Variants in PCDH15 observed in about 807,000 individuals in gnomAD.
PCDH15 encodes the protein protocadherin-15.
Under a neutral mutation model 178.5 loss-of-function variants are expected in PCDH15, and 129 were observed. That is an observed-to-expected ratio of 0.72 (90% CI 0.63 to 0.84). The LOEUF is 0.84. Ranked by LOEUF, PCDH15 falls within the 40% of genes least tolerant of loss-of-function variation. The pLI is 0.00. For synonymous variants in PCDH15, 800 were observed against 732.0 expected, an observed-to-expected ratio of 1.09 and a Z score of -1.50; for missense variants, 2,230 against 2,099.9, an observed-to-expected ratio of 1.06 and a Z score of -1.21.
chr10:54,562,609 A>C (rs1365090360), intron 2 of PCDH15, among the ~76,000 whole-genome samples: 1 of 152,154 alleles, frequency 6.6e-6, no homozygotes, highest in Non-Finnish European at 1.5e-5. Context: ...CAACATACTT[A>C]TATATAATAC....
At chr10:54,538,105 G>A (rs956633452) in intron 2 of PCDH15, among the ~76,000 whole-genome samples, 3 of 152,154 alleles carry the variant, frequency 2.0e-5, no homozygotes, top group Admixed American at 6.5e-5. Context: ...TCGGGCAGAA[G>A]CTCTTTAGTT....
intron 15 of PCDH15, among the ~76,000 whole-genome samples, chr10:54,127,043 T>C (rs1361586344): frequency 6.6e-6 from 1 of 152,164 alleles, no homozygotes; most frequent in Non-Finnish European, 1.5e-5. Flanking sequence ...ATTATTGTTT[T>C]CACTACCACT....
chr10:55,449,182 T>A (rs1839380995), intron 2 of PCDH15, among the ~76,000 whole-genome samples: 1 of 152,068 alleles, frequency 6.6e-6, no homozygotes, highest in South Asian at 2.1e-4. Flanking sequence ...AATCACCTCA[T>A]TCTCATTGTA....
At chr10:55,125,364 C>T (rs34904735) in intron 2 of PCDH15, among the ~76,000 whole-genome samples, 4,582 of 152,082 alleles carry the variant, frequency 0.03, 99 homozygotes, top group Non-Finnish European at 0.046. Flanking sequence ...GGGACACACT[C>T]CATCCCAGGG....
chr10:54,970,448 A>G (rs904556112), intron 2 of PCDH15, among the ~76,000 whole-genome samples: 1 of 152,186 alleles, frequency 6.6e-6, no homozygotes, highest in Admixed American at 6.6e-5. Context: ...AAAGCCAGAG[A>G]TTAAGTGGCT....
At chr10:54,826,040 A>G (rs143476253) in intron 3 of PCDH15, among the ~76,000 whole-genome samples, 14 of 152,194 alleles carry the variant, frequency 9.2e-5, no homozygotes, top group Admixed American at 2.0e-4. Flanking sequence ...TTTTAATTCC[A>G]TTGTAGAATG....
intron 26 of PCDH15, among the ~76,000 whole-genome samples, chr10:53,873,241 C>A (rs957613621): frequency 2.0e-5 from 3 of 152,150 alleles, no homozygotes; most frequent in Non-Finnish European, 4.4e-5. Context: ...CCCTGCCATG[C>A]CATTTAATTT....
At chr10:54,391,685 C>G (rs145566009) in intron 3 of PCDH15, among the ~76,000 whole-genome samples, 231 of 152,100 alleles carry the variant, frequency 1.5e-3, no homozygotes, top group African/African-American at 5.4e-3. Flanking sequence ...CTATGCAACA[C>G]ATACCTGGCT....
At chr10:55,065,063 C>T (rs1307607416) in intron 2 of PCDH15, among the ~76,000 whole-genome samples, 1 of 152,004 alleles carries the variant, frequency 6.6e-6, no homozygotes, top group Non-Finnish European at 1.5e-5. Context: ...GGGCTGTCCA[C>T]AGGAAGCTCA....
At chr10:54,286,702 TGCAACCTCC>T (rs888276661) in intron 8 of PCDH15, among the ~76,000 whole-genome samples, 40 of 152,248 alleles carry the variant, frequency 2.6e-4, no homozygotes, top group Non-Finnish European at 2.8e-4. Flanking sequence ...CTCAGCTCAC[TGCAACCTCC>T]GCCTCCTGAG....
At chr10:55,338,177 A>G (rs1388708337) in intron 2 of PCDH15, among the ~76,000 whole-genome samples, 1 of 152,190 alleles carries the variant, frequency 6.6e-6, no homozygotes, top group Non-Finnish European at 1.5e-5. Context: ...GGATGTGGTG[A>G]AAGGGGAACT....
intron 21 of PCDH15, among the ~76,000 whole-genome samples, chr10:53,968,204 A>C (rs1424011967): frequency 6.6e-6 from 1 of 152,172 alleles, no homozygotes; most frequent in African/African-American, 2.4e-5. Flanking sequence ...AGGAGATTAT[A>C]TCCCACGCCT....
intron 2 of PCDH15, among the ~76,000 whole-genome samples, chr10:54,576,066 C>T (rs2090446099): frequency 6.6e-6 from 1 of 152,020 alleles, no homozygotes; most frequent in African/African-American, 2.4e-5. Context: ...AACAAACAAA[C>T]AAGCTCTATT....
At chr10:54,203,078 T>C (rs1465992799) in intron 10 of PCDH15, among the ~76,000 whole-genome samples, 2 of 152,142 alleles carry the variant, frequency 1.3e-5, no homozygotes. Flanking sequence ...TGGATAGTCC[T>C]TATAATCTGG....
At chr10:55,367,014 A>G (rs1845378135) in intron 2 of PCDH15, among the ~76,000 whole-genome samples, 2 of 151,698 alleles carry the variant, frequency 1.3e-5, no homozygotes, top group African/African-American at 4.8e-5. Context: ...TTAACATTTT[A>G]TATGTCCTTT....
At chr10:55,066,326 C>A (rs1841563624) in intron 2 of PCDH15, among the ~76,000 whole-genome samples, 1 of 150,606 alleles carries the variant, frequency 6.6e-6, no homozygotes, top group Non-Finnish European at 1.5e-5. Context: ...AAGTTTTTTA[C>A]TGTTCTCTTG....
intron 3 of PCDH15, among the ~76,000 whole-genome samples, chr10:54,465,062 T>A (rs1275850987): frequency 6.6e-6 from 1 of 152,142 alleles, no homozygotes; most frequent in Non-Finnish European, 1.5e-5. Flanking sequence ...TCCCTTATCC[T>A]TTTTAAAATA....
chr10:54,997,599 A>G (rs1253123443), intron 2 of PCDH15, among the ~76,000 whole-genome samples: 3 of 152,218 alleles, frequency 2.0e-5, no homozygotes, highest in Non-Finnish European at 4.4e-5. Context: ...GTGCAAATTT[A>G]TTTGACAAAA....
At chr10:54,515,208 G>A (rs1443993296) in intron 3 of PCDH15, among the ~76,000 whole-genome samples, 1 of 152,194 alleles carries the variant, frequency 6.6e-6, no homozygotes, top group Non-Finnish European at 1.5e-5. Flanking sequence ...AAGGGGTCAG[G>A]GAATTCCCTT....
Sources: allele counts gnomAD v4.1 joint callset (sites outside exome capture counted in the v4.1 genomes callset), GRCh38; gene constraint gnomAD v4.1.1; transcripts MANE v1.5; gene names NCBI Gene and HGNC (gene_info 2026-07-23, HGNC 2026-07-21).